Variants in A2M observed in about 807,000 individuals in gnomAD.
A2M encodes alpha-2-macroglobulin.
In A2M, 128 loss-of-function variants were observed where a neutral mutation model predicts 183.9. The ratio of observed to expected loss-of-function variants is 0.70; its 90% CI spans 0.60 to 0.81. A2M has a LOEUF of 0.81. Among genes scored for constraint, A2M ranks in the 30% least tolerant of loss-of-function variants. The probability of loss-of-function intolerance (pLI) is 0.00; values close to 1 mark genes in which losing one functional copy is unlikely to be tolerated. For synonymous variants in A2M, 592 were observed against 670.8 expected, an observed-to-expected ratio of 0.88 and a Z score of 1.81; for missense variants, 1,495 against 1,787.6, an observed-to-expected ratio of 0.84 and a Z score of 2.95.
chr12:9,093,514 C>T lies in A2M; in HGVS notation c.2191G>A (p.Val731Ile), dbSNP rs367601457. 2.9e-5 allele frequency: 47 copies of T among 1,613,704 alleles called. No individual in the cohort carries two copies. Among genetic ancestry groups the T allele is most frequent in the African/African-American group, 2.5e-4 (19 of 74,878 alleles). The change falls in exon 18 of 36, where the codon GTA becomes ATA. Residue 731 changes from valine to isoleucine, a missense_variant. Val to Ile is a conservative substitution (Grantham distance 29). Transcript: ENST00000318602. ...CATGTCTCAGGGAAGTACTTTCGTACGGTCTCCGTGTGAGGCTCTTCAACA... is the reference window on the plus strand; with the variant it reads ...CATGTCTCAGGGAAGTACTTTCGTATGGTCTCCGTGTGAGGCTCTTCAACA... ...VHVEEPHTET[V>I]RKYFPETWIW...
chr12:9,079,243 C>G lies in A2M; in HGVS notation c.3119+1G>C. On this transcript the variant is annotated splice_donor_variant, in intron 25 of 35. Transcript: ENST00000318602. LOFTEE classifies it high-confidence loss of function. ...AGCTCAAAAAATTGTTCTTTCCTTA[C>G]CAGGTGTTGCCCTGGTTCCTGCCAT... 6.2e-7 allele frequency: 1 copy of G among 1,612,846 alleles called. No individual in the cohort carries two copies. The highest frequency in any genetic ancestry group is 8.5e-7 in the Non-Finnish European group (1 of 1,179,430).
At chr12:9,097,693 G>A (rs558532430) in intron 15 of A2M, among the ~76,000 whole-genome samples, 26 of 150,160 alleles carry the variant, frequency 1.7e-4, no homozygotes, top group Non-Finnish European at 3.5e-4. Flanking sequence ...GAGTGCAGTG[G>A]CACGATCTCG....
Position 9,104,420 on chromosome 12 carries a change from G to T in A2M, c.1105-20C>A. On this transcript the variant is annotated intron_variant, in intron 10 of 35. Transcript: ENST00000318602. The stretch of plus-strand genomic sequence containing the variant: ...GCGCACCTGAAGATTAAAAGCTGTG[G>T]ATTAGTTATATTGGTAATAACTAAT... 2 of 1,565,634 alleles carry T rather than the reference G, an allele frequency of 1.3e-6. No individual in the cohort carries two copies. The highest frequency in any genetic ancestry group is 1.7e-6 in the Non-Finnish European group (2 of 1,153,968).
intron 18 of A2M, among the ~76,000 whole-genome samples, chr12:9,092,624 A>G (rs1458580374): frequency 6.6e-6 from 1 of 152,140 alleles, no homozygotes; most frequent in Non-Finnish European, 1.5e-5. Context: ...CTCTGTTTCC[A>G]GTGTCTCTCT....
intron 26 of A2M, 41 bp from the exon 27 acceptor site, chr12:9,077,461 A>G: frequency 1.3e-6 from 2 of 1,572,452 alleles, no homozygotes; most frequent in Non-Finnish European, 1.7e-6. Context: ...TCAACTTCTG[A>G]GAATGCTATT....
At chr12:9,091,614 T>C (rs1006440656) in intron 18 of A2M, among the ~76,000 whole-genome samples, 185 bp from the exon 19 acceptor site, 1 of 152,208 alleles carries the variant, frequency 6.6e-6, no homozygotes, top group Non-Finnish European at 1.5e-5. Flanking sequence ...TGTTTTTAAT[T>C]GTAGTATATC....
intron 1 of A2M, 25 bp downstream of exon 1, chr12:9,115,739 T>G: frequency 6.3e-7 from 1 of 1,580,588 alleles, no homozygotes; most frequent in African/African-American, 1.3e-5. Flanking sequence ...AGGTTCATGC[T>G]TCACGCTCTC....
chr12:9,089,381 A>G, intron 21 of A2M, 130 bp from the exon 22 acceptor site: 1 of 707,636 alleles, frequency 1.4e-6, no homozygotes, highest in Non-Finnish European at 2.5e-6. Flanking sequence ...AAAATTCTGT[A>G]CATATAAGCA....
At chr12:9,068,634 G>T (rs1948466326) in intron 34 of A2M, 106 bp downstream of exon 34, 3 of 909,944 alleles carry the variant, frequency 3.3e-6, no homozygotes, top group South Asian at 1.5e-5. Flanking sequence ...AAAATGAAGT[G>T]ATAATGTAAT....
intron 8 of A2M, 75 bp downstream of exon 8, chr12:9,107,449 G>C (rs1938380598): frequency 1.3e-6 from 2 of 1,558,442 alleles, no homozygotes; most frequent in South Asian, 1.2e-5. Flanking sequence ...TCCTGCGTCA[G>C]AAAAATGCTG....
intron 22 of A2M, among the ~76,000 whole-genome samples, chr12:9,083,695 G>A (rs977985649): frequency 2.5e-4 from 37 of 145,596 alleles, no homozygotes; most frequent in Admixed American, 3.4e-4. Flanking sequence ...TCCAGAAGAA[G>A]AAGAAAGAGA....
chr12:9,068,893 T>C (rs1159195459), intron 33 of A2M, 51 bp from the exon 34 acceptor site: 21 of 1,334,030 alleles, frequency 1.6e-5, no homozygotes, highest in Non-Finnish European at 2.2e-5. Context: ...TTCTTCTCTC[T>C]TTGAATTAGT....
intron 25 of A2M, among the ~76,000 whole-genome samples, chr12:9,078,414 C>T (rs963107389): frequency 2.0e-5 from 3 of 152,194 alleles, no homozygotes; most frequent in African/African-American, 7.2e-5. Context: ...TGTATATGTA[C>T]CACATTTTCT....
chr12:9,089,285 G>A (rs895318104), intron 21 of A2M, 34 bp from the exon 22 acceptor site: 23 of 1,461,406 alleles, frequency 1.6e-5, no homozygotes, highest in Admixed American at 7.6e-5. Flanking sequence ...TAGTGAGAAT[G>A]GACTGACCTT....
intron 25 of A2M, among the ~76,000 whole-genome samples, chr12:9,078,414 CCA>C (rs1565581685): frequency 2.0e-5 from 3 of 152,194 alleles, no homozygotes; most frequent in African/African-American, 7.2e-5. Context: ...TGTATATGTA[CCA>C]CATTTTCTTT....
chr12:9,106,314 T>A lies in A2M; in HGVS notation c.1026A>T (p.Glu342Asp), dbSNP rs1395000356. 1 of 1,612,590 alleles carries A rather than the reference T, an allele frequency of 6.2e-7. No homozygotes were observed. Among genetic ancestry groups the A allele is most frequent in the African/African-American group, 1.3e-5 (1 of 74,890 alleles). Residue 342 changes from glutamate (E) to aspartate (D), a missense_variant, in exon 10 of 36, where the codon GAA (glutamate) becomes GAT (aspartate). By Grantham distance (45) the Glu-to-Asp change is conservative. Transcript: ENST00000318602. ...VVELTGRQSS[E>D]ITRTITKLSF... is the part of the protein sequence containing the mutation. ...AGAGTTTGGTTATGGTTCTTGTGATTTCACTGGACTGCCTTCCAGTCAATT... is the reference window on the plus strand; with the variant it reads ...AGAGTTTGGTTATGGTTCTTGTGATATCACTGGACTGCCTTCCAGTCAATT...
chr12:9,084,007 T>G (rs1363180899), intron 22 of A2M, among the ~76,000 whole-genome samples: 1 of 152,012 alleles, frequency 6.6e-6, no homozygotes, highest in Non-Finnish European at 1.5e-5. Flanking sequence ...CCCGGCAGGC[T>G]GAGGGAGAGT....
intron 31 of A2M, among the ~76,000 whole-genome samples, chr12:9,071,431 A>G (rs374710199): frequency 6.6e-6 from 1 of 151,412 alleles, no homozygotes; most frequent in South Asian, 2.1e-4. Flanking sequence ...AAATGAAAAA[A>G]ATATATATAT....
At chr12:9,085,488 C>T (rs1208917372) in intron 22 of A2M, among the ~76,000 whole-genome samples, 1 of 151,926 alleles carries the variant, frequency 6.6e-6, no homozygotes, top group East Asian at 1.9e-4. Context: ...TGGAGCATAA[C>T]AAAACATAGC....
Sources: gnomAD v4.1 joint callset for allele counts (sites outside exome capture counted in the v4.1 genomes callset) on GRCh38, gnomAD v4.1.1 for gene constraint, MANE v1.5 for transcripts, NCBI Gene and HGNC (gene_info 2026-07-23, HGNC 2026-07-21) for gene names.